Variants in ATP8A2 observed in about 807,000 individuals in gnomAD.
The protein encoded by ATP8A2 is ATPase phospholipid transporting 8A2.
A neutral mutation model predicts 165.6 loss-of-function variants in ATP8A2; 100 were observed. The ratio of observed to expected loss-of-function variants is 0.60; its 90% confidence interval spans 0.51 to 0.71. The LOEUF is 0.71. Ranked by LOEUF, ATP8A2 falls within the 30% of genes least tolerant of loss-of-function variation. The pLI is 0.00. For missense variants in ATP8A2, 1,227 were observed against 1,479.5 expected, an observed-to-expected ratio of 0.83 and a Z score of 2.80; for synonymous variants, 543 against 548.8, an observed-to-expected ratio of 0.99 and a Z score of 0.15.
intron 26 of ATP8A2, among the ~76,000 whole-genome samples, 183 bp downstream of exon 26, chr13:25,769,412 C>T (rs1226790578): frequency 6.6e-6 from 1 of 152,148 alleles, no homozygotes; most frequent in Non-Finnish European, 1.5e-5. Flanking sequence ...AGTTTGGAGG[C>T]CCTGTCCTGC....
At position 25,953,364 on chromosome 13, in the gene ATP8A2, T is replaced by C. The variant is rs1299003162; in HGVS notation, c.3184-8211T>C. ...GGGGGGGATTAAATAAAATGCTTTATGGGAAGTTCTGGCACAGAGTGACGC... is the reference window on the plus strand; with the variant it reads ...GGGGGGGATTAAATAAAATGCTTTACGGGAAGTTCTGGCACAGAGTGACGC... On this transcript the variant is annotated intron_variant, in intron 33 of 36. Coordinates refer to ENST00000381655, the MANE Select transcript of ATP8A2 (RefSeq NM_016529.6). This position sits in a 1 kb window ranked among gnomAD's most constrained non-coding sequence, Gnocchi z 6.7. Among the ~76,000 whole-genome samples, 3 of 151,812 alleles carry C rather than the reference T, an allele frequency of 2.0e-5. No homozygotes were observed. The highest frequency in any genetic ancestry group is 4.4e-5 in the Non-Finnish European group (3 of 67,970).
In ATP8A2 at chr13:25,942,669, G is replaced by A. The variant is rs139070813; in HGVS notation, c.3184-18906G>A. ...AAATCCCTGTCCTCGGGTGATCCAC[G>A]CACCTCGGCCTCCCGAAGTGCTGGG... On this transcript the variant is annotated intron_variant, in intron 33 of 36. Transcript: ENST00000381655. Among the ~76,000 whole-genome samples, 245 of 152,280 alleles carry A rather than the reference G, an allele frequency of 1.6e-3. 1 individual carries two copies. Among genetic ancestry groups the A allele is most frequent in the African/African-American group, 4.8e-3 (201 of 41,576 alleles).
intron 2 of ATP8A2, among the ~76,000 whole-genome samples, chr13:25,493,249 A>C (rs1020202445): frequency 1.1e-4 from 16 of 152,120 alleles, no homozygotes; most frequent in African/African-American, 3.9e-4. Flanking sequence ...CCTTATGCTC[A>C]TTAATTATTT....
At chr13:25,727,235 T>C (rs1409156158) in intron 25 of ATP8A2, among the ~76,000 whole-genome samples, 3 of 152,182 alleles carry the variant, frequency 2.0e-5, no homozygotes, top group African/African-American at 4.8e-5. Context: ...TTAACCTTTA[T>C]GTGACAAACT....
At chr13:25,983,127 G>A (rs1212726520) in intron 35 of ATP8A2, among the ~76,000 whole-genome samples, 1 of 152,186 alleles carries the variant, frequency 6.6e-6, no homozygotes, top group Admixed American at 6.5e-5. Context: ...CATTAGCAAT[G>A]TTTTGTAGGC....
intron 35 of ATP8A2, among the ~76,000 whole-genome samples, chr13:26,008,064 C>G (rs924398987): frequency 6.6e-6 from 1 of 152,056 alleles, no homozygotes; most frequent in South Asian, 2.1e-4. Flanking sequence ...ATGCTACATG[C>G]TAATATATTA....
intron 1 of ATP8A2, among the ~76,000 whole-genome samples, chr13:25,419,651 A>AT (rs72513565): frequency 2.5e-5 from 3 of 118,120 alleles, no homozygotes; most frequent in African/African-American, 8.1e-5. Flanking sequence ...ATTTGTTCTC[A>AT]TAACCGTAAT....
chr13:25,539,360 G>T (rs550759940), intron 7 of ATP8A2, among the ~76,000 whole-genome samples: 4 of 151,638 alleles, frequency 2.6e-5, no homozygotes, highest in African/African-American at 9.7e-5. Flanking sequence ...CAATCCTCCC[G>T]CCTTGGCATC....
At chr13:25,951,617 T>C (rs1295763574) in intron 33 of ATP8A2, among the ~76,000 whole-genome samples, 2 of 152,146 alleles carry the variant, frequency 1.3e-5, no homozygotes, top group Non-Finnish European at 2.9e-5. Flanking sequence ...TTTTAGCATA[T>C]TTAAATTATA....
At chr13:25,945,063 T>C (rs1566291804) in intron 33 of ATP8A2, among the ~76,000 whole-genome samples, 1 of 152,102 alleles carries the variant, frequency 6.6e-6, no homozygotes, top group Non-Finnish European at 1.5e-5. Flanking sequence ...CTGAGGCCAG[T>C]GTGTCATTGA....
chr13:25,471,950 C>T (rs957446071), intron 2 of ATP8A2, among the ~76,000 whole-genome samples: 5 of 152,104 alleles, frequency 3.3e-5, no homozygotes, highest in African/African-American at 9.7e-5. Flanking sequence ...ATACTGTGAG[C>T]GTAAGTTTCC....
At chr13:25,470,340 G>A (rs946461152) in intron 2 of ATP8A2, among the ~76,000 whole-genome samples, 1 of 152,216 alleles carries the variant, frequency 6.6e-6, no homozygotes, top group African/African-American at 2.4e-5. Context: ...ATTTCAGAAT[G>A]TGTGGGCTTC....
intron 25 of ATP8A2, among the ~76,000 whole-genome samples, chr13:25,702,209 T>C (rs2042966124): frequency 6.6e-6 from 1 of 152,182 alleles, no homozygotes. Context: ...TAATTTTTTT[T>C]CAGAAAATAA....
intron 33 of ATP8A2, among the ~76,000 whole-genome samples, chr13:25,879,847 A>T (rs866187324): frequency 2.6e-5 from 4 of 152,326 alleles, no homozygotes; most frequent in East Asian, 1.9e-4. Context: ...AAAATCCTAG[A>T]CTTTTTCTTG....
chr13:25,500,287 G>A (rs1222309098), intron 2 of ATP8A2, among the ~76,000 whole-genome samples: 1 of 152,054 alleles, frequency 6.6e-6, no homozygotes, highest in African/African-American at 2.4e-5. Context: ...AGAATTCAAG[G>A]GAACTCAATT....
chr13:25,679,553 T>C (rs2042440313), intron 24 of ATP8A2, among the ~76,000 whole-genome samples: 1 of 152,228 alleles, frequency 6.6e-6, no homozygotes. Context: ...TACATGTTTA[T>C]GTGTTCATAT....
chr13:25,838,613 A>AAAT, intron 29 of ATP8A2, among the ~76,000 whole-genome samples: 2 of 151,794 alleles, frequency 1.3e-5, no homozygotes, highest in Non-Finnish European at 2.9e-5. Flanking sequence ...CAAAATGAAC[A>AAAT]TTTAAAGCAG....
chr13:25,699,235 T>G lies in ATP8A2; in HGVS notation c.2274T>G (p.Asn758Lys). ...TTGGGAATTTGCTGGGCAAGGAAAA[T>G]GACGTGGCCCTGATCATCGATGGCC... ...TDLGNLLGKE[N>K]DVALIIDGHT... Residue 758 changes from asparagine (N) to lysine (K), a missense_variant, in exon 25 of 37, where the codon AAT (asparagine) becomes AAG (lysine). By Grantham distance (94) the Asn-to-Lys change is moderately conservative. Coordinates refer to ENST00000381655, the MANE Select transcript of ATP8A2 (RefSeq NM_016529.6). 1 of 1,613,546 alleles carries G rather than the reference T, an allele frequency of 6.2e-7. No individual in the cohort carries two copies. Among genetic ancestry groups the G allele is most frequent in the Non-Finnish European group, 8.5e-7 (1 of 1,179,650 alleles).
At chr13:25,662,752 G>A (rs769298010) in intron 24 of ATP8A2, among the ~76,000 whole-genome samples, 29 of 152,162 alleles carry the variant, frequency 1.9e-4, no homozygotes, top group African/African-American at 6.5e-4. Context: ...ACTATTAGCC[G>A]GTGGATCTGA....
Sources: allele counts gnomAD v4.1 joint callset (sites outside exome capture counted in the v4.1 genomes callset), GRCh38; gene constraint gnomAD v4.1.1; non-coding constraint Gnocchi (gnomAD v3.1); transcripts MANE v1.5; gene names NCBI Gene and HGNC (gene_info 2026-07-23, HGNC 2026-07-21).